The following WDR33 variants were observed in gnomAD, a reference collection of about 807,000 sequenced individuals.
WDR33 encodes WD repeat domain 33, also known as pre-mRNA 3' end processing protein WDR33.
WDR33 carries 47 observed loss-of-function variants against 164.9 expected under a neutral mutation model. That is an observed-to-expected ratio of 0.29 (90% CI 0.23 to 0.36). The LOEUF is 0.36. Among genes scored for constraint, WDR33 ranks in the 10% least tolerant of loss-of-function variants. The pLI is 1.00. For synonymous variants in WDR33, 505 were observed against 589.0 expected (o/e 0.86, Z 2.06); for missense variants, 1,137 against 1,754.1 (o/e 0.65, Z 6.28).
At position 127,765,278 on chromosome 2, in the gene WDR33, GA is replaced by G; in HGVS notation, c.379-10del. ...CTTCCTTCTGGAGTCCACTAAGGGA[GA>G]AAAAAAGACAGGTTATACATCCTCC... On this transcript the variant is annotated splice_polypyrimidine_tract_variant and intron_variant, in intron 4 of 21. Coordinates refer to ENST00000322313, the MANE Select transcript of WDR33 (RefSeq NM_018383.5). 1.2e-6 allele frequency: 2 copies of G among 1,604,848 alleles called. No homozygotes were observed. The highest frequency in any genetic ancestry group is 1.7e-6 in the Non-Finnish European group (2 of 1,175,698).
rs565989426 is a variant in WDR33 at position 127,770,628 on chromosome 2, T to C, written c.204+150A>G. 8 of 412,052 alleles carry C rather than the reference T, an allele frequency of 1.9e-5. No homozygotes were observed. The highest frequency in any genetic ancestry group is 4.2e-5 in the African/African-American group (2 of 47,584). 25.5% of individuals were successfully genotyped at this position (412,052 alleles called of 1,614,324 possible). A position where few individuals can be genotyped will look rare whatever the true frequency, so the allele number is the denominator to read the frequency against. ...ATCACTTGAACCCGGGAGGCAGAGG[T>C]TGCAGTGAGCCAAAACCACACCACT... is the stretch of plus-strand genomic sequence containing the variant. On this transcript the variant is annotated intron_variant, in intron 2 of 21. Transcript: ENST00000322313. The surrounding 1 kb of genome is among the most constrained non-coding windows in gnomAD (Gnocchi z 4.9).
Position 127,768,951 on chromosome 2 carries a change from A to T in WDR33, c.255T>A (p.Asp85Glu). 2 of 1,591,632 alleles carry T rather than the reference A, an allele frequency of 1.3e-6. No homozygotes were observed. The highest frequency in any genetic ancestry group is 1.7e-6 in the Non-Finnish European group (2 of 1,170,056). The part of the protein sequence containing the change: ...DQRDMRAIQP[D>E]AGYYNDLVPP... ...TACTTACATCATTGTAATAACCTGC[A>T]TCAGGCTGAATTGCCCGCATATCTC... is the stretch of plus-strand genomic sequence containing the variant. Residue 85 changes from aspartate to glutamate, a missense_variant, in exon 3 of 22, where the codon GAT becomes GAA. By Grantham distance (45) the Asp-to-Glu change is conservative (BLOSUM62 2). This residue lies in a region of WDR33 where 55 missense variants were observed against 84.6 expected (regional missense o/e 0.65). Transcript: ENST00000322313.
At chr2:127,731,993 T>A (rs1686719295) in intron 7 of WDR33, among the ~76,000 whole-genome samples, 1 of 152,006 alleles carries the variant, frequency 6.6e-6, no homozygotes. Flanking sequence ...GAGGCTGATG[T>A]GGGAGGACTG....
intron 18 of WDR33, among the ~76,000 whole-genome samples, chr2:127,711,778 A>T (rs868465738): frequency 0.36 from 32,926 of 91,194 alleles, 7,175 homozygotes; most frequent in African/African-American, 0.54. Flanking sequence ...ATATATATAT[A>T]TATTTTTTTT....
At chr2:127,758,196 T>C (rs1687574842) in intron 7 of WDR33, among the ~76,000 whole-genome samples, 1 of 152,186 alleles carries the variant, frequency 6.6e-6, no homozygotes, top group African/African-American at 2.4e-5. Flanking sequence ...AAAATGAACC[T>C]GAATACCTAG....
chr2:127,807,124 C>A (rs1321101030), intron 1 of WDR33, among the ~76,000 whole-genome samples: 2 of 152,172 alleles, frequency 1.3e-5, no homozygotes, highest in Non-Finnish European at 2.9e-5. Context: ...CTTGCCTCAG[C>A]TTCCCAAGTA....
In WDR33 at chr2:127,724,477, C is replaced by A. The variant is rs1307938155; in HGVS notation, c.1086-34G>T. The stretch of plus-strand genomic sequence containing the variant: ...GCACCAAAGAGAGAAGATTTGTTCA[C>A]AAAAGTTACCCAGCTTCTCCCTCCC... On this transcript the variant is annotated intron_variant, in intron 10 of 21. Transcript: ENST00000322313. The surrounding 1 kb of genome is among the most constrained non-coding windows in gnomAD (Gnocchi z 4.8). 5 of 1,580,570 alleles carry A rather than the reference C, an allele frequency of 3.2e-6. No homozygotes were observed. The highest frequency in any genetic ancestry group is 2.6e-6 in the Non-Finnish European group (3 of 1,152,092).
At chr2:127,773,186 G>GGA (rs1436343925) in intron 1 of WDR33, among the ~76,000 whole-genome samples, 1 of 152,090 alleles carries the variant, frequency 6.6e-6, no homozygotes, top group Non-Finnish European at 1.5e-5. Flanking sequence ...ATACAATAAA[G>GGA]GAGAGAAGTT....
In WDR33 at chr2:127,712,905, C is replaced by A. The variant is rs965398841; in HGVS notation, c.3308+678G>T. ...GAGTAGCTAGGACTACAGGCATGCA[C>A]CACCAAACCCAGCTAATTAAAAAAT... is the stretch of plus-strand genomic sequence containing the variant. On this transcript the variant is annotated intron_variant, in intron 18 of 21. Coordinates refer to ENST00000322313, the MANE Select transcript of WDR33 (RefSeq NM_018383.5). The surrounding 1 kb of genome is among the most constrained non-coding windows in gnomAD (Gnocchi z 4.0). 1.3e-5 allele frequency among the ~76,000 whole-genome samples: 2 copies of A among 152,154 alleles called. No homozygotes were observed. Among genetic ancestry groups the A allele is most frequent in the Non-Finnish European group, 2.9e-5 (2 of 68,032 alleles).
Position 127,726,852 on chromosome 2 carries a change from C to A in WDR33, c.725-75G>T. The A allele has an allele frequency of 6.4e-7, 1 of 1,571,274 alleles. No individual in the cohort carries two copies. Among genetic ancestry groups the A allele is most frequent in the Non-Finnish European group, 8.7e-7 (1 of 1,155,104 alleles). On this transcript the variant is annotated intron_variant, in intron 7 of 21. Transcript: ENST00000322313. This position sits in a 1 kb window ranked among gnomAD's most constrained non-coding sequence, Gnocchi z 4.8. ...AGCAATTTAAACCAAAGTAGAGAAA[C>A]CTAGTAAATGTTTTGCTCTCAGTGC...
At chr2:127,774,958 T>G (rs1403326317) in intron 1 of WDR33, among the ~76,000 whole-genome samples, 1 of 152,148 alleles carries the variant, frequency 6.6e-6, no homozygotes, top group Non-Finnish European at 1.5e-5. Flanking sequence ...GCTAAAAGAT[T>G]AGTGTTTGCC....
In WDR33 at chr2:127,708,542, G is replaced by T; in HGVS notation, c.3781+135C>A. Reference sequence around the variant, plus strand: ...GTTGCAGTCCACCAGATGACAGCTCGTGTGGCACTGGCACCACATTTAGGA... The same window carrying T: ...GTTGCAGTCCACCAGATGACAGCTCTTGTGGCACTGGCACCACATTTAGGA... On this transcript the variant is annotated intron_variant, in intron 21 of 21. Coordinates refer to ENST00000322313, the MANE Select transcript of WDR33 (RefSeq NM_018383.5). This position sits in a 1 kb window ranked among gnomAD's most constrained non-coding sequence, Gnocchi z 6.7. 3 of 950,990 alleles carry T rather than the reference G, an allele frequency of 3.2e-6. No homozygotes were observed. Among genetic ancestry groups the T allele is most frequent in the Non-Finnish European group, 4.6e-6 (3 of 645,654 alleles). The allele number at this position is 950,990 out of a possible 1,614,324, so 58.9% of individuals were successfully genotyped here.
chr2:127,793,597 C>T (rs1057034490), intron 1 of WDR33, among the ~76,000 whole-genome samples: 24 of 151,910 alleles, frequency 1.6e-4, no homozygotes, highest in Admixed American at 2.6e-4. Flanking sequence ...ATAAATTAGC[C>T]GGGCATGGTG....
At chr2:127,729,026 A>C (rs1686638066) in intron 7 of WDR33, among the ~76,000 whole-genome samples, 1 of 152,212 alleles carries the variant, frequency 6.6e-6, no homozygotes, top group African/African-American at 2.4e-5. Flanking sequence ...TTAAAGTAAA[A>C]TTCAAGCAAG....
chr2:127,710,999 CT>C lies in WDR33; in HGVS notation c.3309-1144del, dbSNP rs964043316. On this transcript the variant is annotated intron_variant, in intron 18 of 21. Coordinates refer to ENST00000322313, the MANE Select transcript of WDR33 (RefSeq NM_018383.5). The surrounding 1 kb of genome is among the most constrained non-coding windows in gnomAD (Gnocchi z 4.4). ...TTTGAAAATCAGTTGCCAACACGAGCTTTACCCCTAAATCCTTCAGTCCATT... is the reference window on the plus strand; with the variant it reads ...TTTGAAAATCAGTTGCCAACACGAGCTTACCCCTAAATCCTTCAGTCCATT... 8.5e-5 allele frequency among the ~76,000 whole-genome samples: 13 copies of C among 152,232 alleles called. No homozygotes were observed. Among genetic ancestry groups the C allele is most frequent in the African/African-American group, 3.1e-4 (13 of 41,456 alleles).
intron 1 of WDR33, among the ~76,000 whole-genome samples, chr2:127,776,057 T>C (rs1265944329): frequency 6.6e-6 from 1 of 152,226 alleles, no homozygotes; most frequent in Admixed American, 6.5e-5. Context: ...GGCTGAAATG[T>C]GTCCCCTCAA....
Position 127,718,331 on chromosome 2 carries a change from C to T in WDR33, c.2760+934G>A, listed in dbSNP as rs367999463. Among the ~76,000 whole-genome samples, 4 of 152,156 alleles carry T rather than the reference C, an allele frequency of 2.6e-5. No homozygotes were observed. Among genetic ancestry groups the T allele is most frequent in the South Asian group, 2.1e-4 (1 of 4,818 alleles). On this transcript the variant is annotated intron_variant, in intron 16 of 21. Transcript: ENST00000322313. The surrounding 1 kb of genome is among the most constrained non-coding windows in gnomAD (Gnocchi z 4.4). ...CTCAGGGAGTCAACATTAGCTGACT[C>T]GCTCACTTTTGGTCCACACTGGACC...
chr2:127,746,965 T>A (rs1189246208), intron 7 of WDR33, among the ~76,000 whole-genome samples: 1 of 152,178 alleles, frequency 6.6e-6, no homozygotes, highest in African/African-American at 2.4e-5. Flanking sequence ...TCAATTCTGG[T>A]AAATGGATGT....
At position 127,764,776 on chromosome 2, in the gene WDR33, T is replaced by C. The variant is rs754101914; in HGVS notation, c.626+52A>G. On this transcript the variant is annotated intron_variant, in intron 6 of 21. Transcript: ENST00000322313. The surrounding 1 kb of genome is among the most constrained non-coding windows in gnomAD (Gnocchi z 6.2). ...CTGCACCCAGAATACACTTAGAGAA[T>C]AATTTAACCATGACAATAGGGACTA... The C allele has an allele frequency of 6.2e-7, 1 of 1,614,040 alleles. No individual in the cohort carries two copies. The highest frequency in any genetic ancestry group is 1.3e-5 in the African/African-American group (1 of 74,906).
Sources: allele counts gnomAD v4.1 joint callset (sites outside exome capture counted in the v4.1 genomes callset), GRCh38; gene constraint gnomAD v4.1.1; regional missense constraint gnomAD v4.1.1; non-coding constraint Gnocchi (gnomAD v3.1); transcripts MANE v1.5; gene names NCBI Gene and HGNC (gene_info 2026-07-23, HGNC 2026-07-21).